The following ZBTB10 variants were observed in gnomAD, a reference collection of about 807,000 sequenced individuals.
The protein encoded by ZBTB10 is zinc finger and BTB domain-containing protein 10.
ZBTB10 carries 32 observed loss-of-function variants against 76.4 expected under a neutral mutation model. That is an observed-to-expected ratio of 0.42 (90% CI 0.32 to 0.56). The LOEUF (loss-of-function observed/expected upper bound fraction) is 0.56. Ranked by LOEUF, ZBTB10 falls within the 20% of genes least tolerant of loss-of-function variation. The pLI, the probability that ZBTB10 is intolerant of heterozygous loss-of-function variation, is 0.14. For missense variants in ZBTB10, 1,057 were observed against 1,098.5 expected (o/e 0.96, Z 0.53); for synonymous variants, 523 against 432.9 (o/e 1.21, Z -2.58).
chr8:80,519,450 A>G lies in ZBTB10; in HGVS notation c.2538A>G (p.Leu846=), dbSNP rs1381428470. ...AAGTAGGAGAAGCTGATGAAGAGCT[A>G]GTTGATGATGGAGAAGATCAGAATG... The part of the protein sequence containing the change: ...ENEVGEADEE[L]VDDGEDQNDP... Residue 846 remains leucine, a synonymous_variant, in exon 6 of 6, where the codon CTA becomes CTG. Coordinates refer to ENST00000455036, the MANE Select transcript of ZBTB10 (RefSeq NM_001105539.3). The G allele has an allele frequency of 3.1e-6, 5 of 1,612,576 alleles. No homozygotes were observed. The Admixed American group carries it at 8.4e-5, about 27-fold the overall frequency.
intron 2 of ZBTB10, 118 bp from the exon 3 acceptor site, chr8:80,513,792 T>C (rs1816257912): frequency 5.2e-6 from 4 of 762,398 alleles, no homozygotes; most frequent in Non-Finnish European, 4.5e-6. Flanking sequence ...ACACAGTAGA[T>C]AATTCATTAC....
intron 3 of ZBTB10, among the ~76,000 whole-genome samples, chr8:80,517,458 T>C (rs965977502): frequency 6.6e-6 from 1 of 152,214 alleles, no homozygotes; most frequent in Non-Finnish European, 1.5e-5. Context: ...CTTAGGCACA[T>C]GTATTATTCT....
rs926069156 is a variant in ZBTB10 at position 80,521,292 on chromosome 8, G to A, written c.*1764G>A. On this transcript the variant is annotated 3_prime_UTR_variant, in exon 6 of 6. Transcript: ENST00000455036. ...AAACCTGACAGATAAGAATAGTTTCGGTTTGATTTTTGTTTAAAACAGATG... is the reference window on the plus strand; with the variant it reads ...AAACCTGACAGATAAGAATAGTTTCAGTTTGATTTTTGTTTAAAACAGATG... 2.0e-5 allele frequency: 3 copies of A among 151,584 alleles called. No homozygotes were observed. In the South Asian group the frequency reaches 6.3e-4, roughly 32 times the overall value. 9.4% of individuals were successfully genotyped at this position (151,584 alleles called of 1,614,324 possible). A position where few individuals can be genotyped will look rare whatever the true frequency, so the allele number is the denominator to read the frequency against.
At chr8:80,503,790 C>T (rs1468256844) in intron 2 of ZBTB10, among the ~76,000 whole-genome samples, 1 of 152,228 alleles carries the variant, frequency 6.6e-6, no homozygotes, top group Non-Finnish European at 1.5e-5. Context: ...TCCCAAAGTG[C>T]TGGGAATACA....
intron 1 of ZBTB10, among the ~76,000 whole-genome samples, chr8:80,489,448 A>G (rs898773871): frequency 6.6e-6 from 1 of 152,240 alleles, no homozygotes; most frequent in Admixed American, 6.5e-5. Context: ...TTGGTTACTT[A>G]GAAAATTTTA....
intron 1 of ZBTB10, among the ~76,000 whole-genome samples, chr8:80,490,431 C>CT (rs1815597331): frequency 2.0e-5 from 3 of 152,102 alleles, no homozygotes; most frequent in African/African-American, 7.2e-5. Flanking sequence ...AAACGGGAGT[C>CT]TCGCTATGTT....
rs938488124 is a variant in ZBTB10 at position 80,486,487 on chromosome 8, C to G, written c.-324C>G. On this transcript the variant is annotated 5_prime_UTR_variant, in exon 1 of 6. Coordinates refer to ENST00000455036, the MANE Select transcript of ZBTB10 (RefSeq NM_001105539.3). ...GCTGCTCAACTTCGAAGGCCTCGCT[C>G]GCTGCAGGCTCGCTCCTCACCTCTC... is the stretch of plus-strand genomic sequence containing the variant. 3 of 985,270 alleles carry G rather than the reference C, an allele frequency of 3.0e-6. No individual in the cohort carries two copies. The highest frequency in any genetic ancestry group is 6.1e-5 in the Admixed American group (1 of 16,278). 61.0% of individuals were successfully genotyped at this position (985,270 alleles called of 1,614,324 possible).
intron 2 of ZBTB10, among the ~76,000 whole-genome samples, chr8:80,513,314 T>C (rs1585859637): frequency 6.6e-6 from 1 of 152,046 alleles, no homozygotes; most frequent in East Asian, 1.9e-4. Context: ...GGTTAATTTT[T>C]GTATTTTTTG....
Position 80,486,834 on chromosome 8 carries a change from C to T in ZBTB10, c.24C>T (p.Arg8=). 2 of 1,499,810 alleles carry T rather than the reference C, an allele frequency of 1.3e-6. No homozygotes were observed. The highest frequency in any genetic ancestry group is 2.9e-5 in the East Asian group (1 of 34,748). The allele number at this position is 1,499,810 out of a possible 1,614,324, so 92.9% of individuals were successfully genotyped here. The change falls in exon 1 of 6, where the codon CGC becomes CGT. Residue 8 remains arginine (R), a synonymous_variant. Transcript: ENST00000455036. The part of the protein sequence containing the change: MSFSEMN[R]RTLAFRGGGL... The stretch of plus-strand genomic sequence containing the variant: ...CCATGTCGTTCAGTGAAATGAACCG[C>T]AGGACGCTGGCGTTCCGAGGAGGCG...
chr8:80,496,548 T>G (rs989988269), intron 1 of ZBTB10, among the ~76,000 whole-genome samples: 11 of 152,180 alleles, frequency 7.2e-5, no homozygotes, highest in African/African-American at 2.7e-4. Context: ...GTGTTTAATT[T>G]GTACAGTTTG....
chr8:80,518,272 G>A (rs1478421072), intron 3 of ZBTB10, 131 bp from the exon 4 acceptor site: 1 of 896,902 alleles, frequency 1.1e-6, no homozygotes, highest in Non-Finnish European at 1.6e-6. Flanking sequence ...CTAAAATACA[G>A]TTTTATTTAA....
chr8:80,510,639 A>AGTGTGGGTGT (rs60169757), intron 2 of ZBTB10, among the ~76,000 whole-genome samples: 97 of 125,786 alleles, frequency 7.7e-4, no homozygotes, highest in African/African-American at 2.8e-3. Flanking sequence ...TTGTGAAACC[A>AGTGTGGGTGT]GTGTGTGTGT....
At chr8:80,493,943 G>C (rs530709567) in intron 1 of ZBTB10, among the ~76,000 whole-genome samples, 1 of 152,340 alleles carries the variant, frequency 6.6e-6, no homozygotes, top group South Asian at 2.1e-4. Context: ...ATCACTCAGA[G>C]ATATAGAGGT....
At position 80,523,560 on chromosome 8, in the gene ZBTB10, T is replaced by C. The variant is rs1462352047; in HGVS notation, c.*4032T>C. 2 of 151,932 alleles carry C rather than the reference T, an allele frequency of 1.3e-5. No homozygotes were observed. The highest frequency in any genetic ancestry group is 4.8e-5 in the African/African-American group (2 of 41,414). 9.4% of individuals were successfully genotyped at this position (151,932 alleles called of 1,614,324 possible). A position where few individuals can be genotyped will look rare whatever the true frequency, so the allele number is the denominator to read the frequency against. On this transcript the variant is annotated 3_prime_UTR_variant, in exon 6 of 6. Transcript: ENST00000455036. The stretch of plus-strand genomic sequence containing the variant: ...GATCCTTAAACTTAACTATGGTACA[T>C]AATATCCACACTTAGAACTAACAGG...
Position 80,486,467 on chromosome 8 carries a change from T to C in ZBTB10, c.-344T>C. On this transcript the variant is annotated 5_prime_UTR_variant, in exon 1 of 6. Transcript: ENST00000455036. ...GGAGGGTCTCCCCGCACTCCGCTGC[T>C]CAACTTCGAAGGCCTCGCTCGCTGC... 1.0e-5 allele frequency: 10 copies of C among 985,020 alleles called. No individual in the cohort carries two copies. The highest frequency in any genetic ancestry group is 1.2e-5 in the Non-Finnish European group (10 of 829,918). The allele number at this position is 985,020 out of a possible 1,614,324, so 61.0% of individuals were successfully genotyped here.
At chr8:80,511,690 A>G (rs1310397007) in intron 2 of ZBTB10, among the ~76,000 whole-genome samples, 1 of 152,170 alleles carries the variant, frequency 6.6e-6, no homozygotes, top group Non-Finnish European at 1.5e-5. Context: ...AGAAAACAAA[A>G]CCACTAAATT....
Position 80,487,264 on chromosome 8 carries a change from C to T in ZBTB10, c.454C>T (p.His152Tyr), listed in dbSNP as rs759963828. ...CGAGACCTCGGTGTGGCCCTTGAGG[C>T]ATTTCAATGGGCGAGGGCCGGCGAC... ...RPETSVWPLR[H>Y]FNGRGPATVD... Residue 152 changes from histidine (H) to tyrosine (Y), a missense_variant, in exon 1 of 6, where the codon CAT (histidine) becomes TAT (tyrosine). His to Tyr is a moderately conservative substitution (Grantham distance 83). Coordinates refer to ENST00000455036, the MANE Select transcript of ZBTB10 (RefSeq NM_001105539.3). 5 of 1,552,424 alleles carry T rather than the reference C, an allele frequency of 3.2e-6. No individual in the cohort carries two copies. The highest frequency in any genetic ancestry group is 1.4e-5 in the African/African-American group (1 of 73,326).
chr8:80,487,641 G>T lies in ZBTB10; in HGVS notation c.831G>T (p.Lys277Asn). Residue 277 changes from lysine (K) to asparagine (N), a missense_variant, in exon 1 of 6, where the codon AAG becomes AAT. This residue lies in a region of ZBTB10 where 556 missense variants were observed against 451.7 expected (regional missense o/e 1.23). Coordinates refer to ENST00000455036, the MANE Select transcript of ZBTB10 (RefSeq NM_001105539.3). Reference sequence around the variant, plus strand: ...TTATGTCTTGCGGCTGGTGCCAAAAGACCCCTGCAGATGGGGGAAGCGTGG... The same window carrying T: ...TTATGTCTTGCGGCTGGTGCCAAAATACCCCTGCAGATGGGGGAAGCGTGG... ...TGLMSCGWCQ[K>N]TPADGGSVDL... is the part of the protein sequence containing the mutation. The T allele has an allele frequency of 6.2e-7, 1 of 1,612,228 alleles. No individual in the cohort carries two copies. The highest frequency in any genetic ancestry group is 1.3e-5 in the African/African-American group (1 of 74,998).
At chr8:80,516,062 G>A (rs1816318301) in intron 3 of ZBTB10, among the ~76,000 whole-genome samples, 1 of 152,118 alleles carries the variant, frequency 6.6e-6, no homozygotes, top group Non-Finnish European at 1.5e-5. Flanking sequence ...TGGATTTTCA[G>A]TTTACAAATG....
Sources: allele counts gnomAD v4.1 joint callset (sites outside exome capture counted in the v4.1 genomes callset), GRCh38; gene constraint gnomAD v4.1.1; regional missense constraint gnomAD v4.1.1; transcripts MANE v1.5; gene names NCBI Gene and HGNC (gene_info 2026-07-23, HGNC 2026-07-21).